Variants in BICC1 observed in about 807,000 individuals in gnomAD.
The protein encoded by BICC1 is protein bicaudal C homolog 1.
Under a neutral mutation model 111.0 loss-of-function variants are expected in BICC1, and 43 were observed. The ratio of observed to expected loss-of-function variants is 0.39; its 90% confidence interval spans 0.30 to 0.50. BICC1 has a LOEUF of 0.50. Ranked by LOEUF, BICC1 falls within the 20% of genes least tolerant of loss-of-function variation. The pLI is 0.88. For synonymous variants in BICC1, 467 were observed against 434.4 expected, an observed-to-expected ratio of 1.07 and a Z score of -0.93; for missense variants, 1,091 against 1,203.2, an observed-to-expected ratio of 0.91 and a Z score of 1.38.
intron 2 of BICC1, among the ~76,000 whole-genome samples, chr10:58,667,125 T>G (rs1472345951): frequency 6.6e-6 from 1 of 152,124 alleles, no homozygotes; most frequent in African/African-American, 2.4e-5. Flanking sequence ...GGATTTCATT[T>G]TATTTTCAAA....
At chr10:58,555,892 A>G (rs971499763) in intron 1 of BICC1, among the ~76,000 whole-genome samples, 1 of 152,180 alleles carries the variant, frequency 6.6e-6, no homozygotes, top group African/African-American at 2.4e-5. Flanking sequence ...TTTAAACATT[A>G]TGTTCTACAC....
At chr10:58,537,584 A>G (rs536303571) in intron 1 of BICC1, among the ~76,000 whole-genome samples, 4 of 152,012 alleles carry the variant, frequency 2.6e-5, no homozygotes, top group African/African-American at 9.6e-5. Flanking sequence ...CAAGACAAGG[A>G]TGCCCACTTT....
intron 2 of BICC1, among the ~76,000 whole-genome samples, chr10:58,684,335 C>CT (rs1049772438): frequency 7.2e-5 from 11 of 151,956 alleles, no homozygotes; most frequent in East Asian, 1.9e-4. Flanking sequence ...CTAAAATTCT[C>CT]TTTTTTTTGT....
At chr10:58,628,585 TATC>T in intron 2 of BICC1, among the ~76,000 whole-genome samples, 1 of 152,280 alleles carries the variant, frequency 6.6e-6, no homozygotes, top group East Asian at 1.9e-4. Context: ...TTCAGACCCT[TATC>T]ATTCTTTTCG....
chr10:58,682,375 A>G lies in BICC1; in HGVS notation c.238-19699A>G, dbSNP rs559498881. 3.9e-5 allele frequency among the ~76,000 whole-genome samples: 6 copies of G among 152,254 alleles called. No homozygotes were observed. The East Asian group carries it at 7.7e-4, about 20-fold the overall frequency. On this transcript the variant is annotated intron_variant, in intron 2 of 20. Coordinates refer to ENST00000373886, the MANE Select transcript of BICC1 (RefSeq NM_001080512.3). Reference sequence around the variant, plus strand: ...CAGCATGATTTATATTCCTTTGGGTATATACCTAGTAATAGGATGGCTGGG... The same window carrying G: ...CAGCATGATTTATATTCCTTTGGGTGTATACCTAGTAATAGGATGGCTGGG...
chr10:58,552,602 T>C (rs527536488), intron 1 of BICC1, among the ~76,000 whole-genome samples: 1 of 152,284 alleles, frequency 6.6e-6, no homozygotes, highest in East Asian at 1.9e-4. Flanking sequence ...CCCAAAGTTC[T>C]GGGATTACAG....
chr10:58,688,427 T>C (rs1464283400), intron 2 of BICC1, among the ~76,000 whole-genome samples: 1 of 152,122 alleles, frequency 6.6e-6, no homozygotes, highest in Non-Finnish European at 1.5e-5. Context: ...CAGCACTGAT[T>C]GGTGCGTTTA....
intron 20 of BICC1, 142 bp from the exon 21 acceptor site, chr10:58,828,619 C>A: frequency 1.3e-6 from 1 of 753,036 alleles, no homozygotes; most frequent in Non-Finnish European, 2.1e-6. Flanking sequence ...TGACCATCAA[C>A]TAAAAGTTTT....
intron 1 of BICC1, among the ~76,000 whole-genome samples, chr10:58,613,161 TC>T (rs1845488446): frequency 1.3e-5 from 2 of 152,202 alleles, no homozygotes; most frequent in Admixed American, 1.3e-4. Context: ...CAGCCACGTT[TC>T]AGTAGTATTG....
intron 3 of BICC1, among the ~76,000 whole-genome samples, chr10:58,756,971 A>C (rs150480213): frequency 6.6e-6 from 1 of 152,284 alleles, no homozygotes; most frequent in East Asian, 1.9e-4. Context: ...ATTTTCAAAT[A>C]ATTTTCATTG....
intron 1 of BICC1, among the ~76,000 whole-genome samples, chr10:58,534,320 A>C (rs1390833292): frequency 6.6e-6 from 1 of 151,658 alleles, no homozygotes; most frequent in Non-Finnish European, 1.5e-5. Flanking sequence ...AACTGAAAGG[A>C]ACTACAGACC....
intron 1 of BICC1, among the ~76,000 whole-genome samples, chr10:58,601,887 G>A (rs574726658): frequency 7.2e-5 from 11 of 152,072 alleles, no homozygotes; most frequent in African/African-American, 1.9e-4. Context: ...AATCTTTCTC[G>A]AATTAATCTA....
chr10:58,524,800 G>A (rs953131126), intron 1 of BICC1, among the ~76,000 whole-genome samples: 1 of 152,104 alleles, frequency 6.6e-6, no homozygotes, highest in Non-Finnish European at 1.5e-5. Flanking sequence ...AAAAATTTTT[G>A]CAATCTACTC....
chr10:58,786,896 A>G (rs1843025012), intron 4 of BICC1, 27 bp from the exon 5 acceptor site: 1 of 1,513,880 alleles, frequency 6.6e-7, no homozygotes, highest in African/African-American at 1.4e-5. Flanking sequence ...TGCATACATC[A>G]AGTAATAATA....
intron 1 of BICC1, among the ~76,000 whole-genome samples, chr10:58,603,820 T>A (rs1254241361): frequency 1.3e-5 from 2 of 152,174 alleles, no homozygotes; most frequent in Non-Finnish European, 2.9e-5. Context: ...TTCGTTCAAT[T>A]TCTAAAATCA....
intron 2 of BICC1, among the ~76,000 whole-genome samples, chr10:58,694,816 C>G (rs146983862): frequency 6.6e-6 from 1 of 152,110 alleles, no homozygotes; most frequent in African/African-American, 2.4e-5. Context: ...TTGGAAATAG[C>G]CACTCTGCTG....
chr10:58,702,847 G>A (rs1382593554), intron 3 of BICC1, among the ~76,000 whole-genome samples: 1 of 152,150 alleles, frequency 6.6e-6, no homozygotes, highest in Non-Finnish European at 1.5e-5. Context: ...GTAGTTGTCA[G>A]GATGTAATGA....
intron 2 of BICC1, among the ~76,000 whole-genome samples, chr10:58,625,960 G>C (rs1324755525): frequency 6.6e-6 from 1 of 152,182 alleles, no homozygotes; most frequent in African/African-American, 2.4e-5. Context: ...AGTGAATTCA[G>C]TTAACTCTGG....
chr10:58,776,380 C>G (rs1273045885), intron 3 of BICC1, among the ~76,000 whole-genome samples: 1 of 152,184 alleles, frequency 6.6e-6, no homozygotes, highest in African/African-American at 2.4e-5. Context: ...CAGGCAATAC[C>G]TCTGGGACCT....
Sources: gnomAD v4.1 joint callset for allele counts (sites outside exome capture counted in the v4.1 genomes callset) on GRCh38, gnomAD v4.1.1 for gene constraint, MANE v1.5 for transcripts, NCBI Gene and HGNC (gene_info 2026-07-23, HGNC 2026-07-21) for gene names.